PLEKHG4: variants seen among roughly 807,000 people sequenced by gnomAD.
PLEKHG4 encodes the protein puratrophin-1.
Under a neutral mutation model 136.9 loss-of-function variants are expected in PLEKHG4, and 85 were observed. That is an observed-to-expected ratio of 0.62 (90% CI 0.52 to 0.74). PLEKHG4 has a LOEUF of 0.74. PLEKHG4 is among the 30% of genes least tolerant of loss of function. The pLI is 0.00. For synonymous variants in PLEKHG4, 577 were observed against 646.9 expected, an observed-to-expected ratio of 0.89 and a Z score of 1.64; for missense variants, 1,317 against 1,527.8, an observed-to-expected ratio of 0.86 and a Z score of 2.30.
intron 11 of PLEKHG4, 114 bp downstream of exon 11, chr16:67,282,972 C>A: frequency 2.5e-6 from 2 of 786,216 alleles, no homozygotes; most frequent in Non-Finnish European, 4.4e-6. Context: ...CTTATAGTCC[C>A]ATAGAAGATA....
rs758143565 is a variant in PLEKHG4, at chr16:67,286,294, C to T, written c.2463C>T (p.Tyr821=). 17 of 1,613,456 alleles carry T rather than the reference C, an allele frequency of 1.1e-5. No homozygotes were observed. The Middle Eastern group carries it at 4.9e-4, about 47-fold the overall frequency. Reference sequence around the variant, plus strand: ...TGTAGAGGGTGCAGTTTGGGATGTACGCGCTCTACAGCAAGAATAAGCCTC... The same window carrying T: ...TGTAGAGGGTGCAGTTTGGGATGTATGCGCTCTACAGCAAGAATAAGCCTC... ...FLRHRVQFGM[Y]ALYSKNKPRS... Residue 821 remains tyrosine (Y), a synonymous_variant, in exon 15 of 22, where the codon TAC becomes TAT. Coordinates refer to ENST00000379344, the MANE Select transcript of PLEKHG4 (RefSeq NM_001129729.3).
rs781318048 is a variant in PLEKHG4 at position 67,281,756 on chromosome 16, C to A, written c.924C>A (p.Thr308=). The change falls in exon 7 of 22, where the codon ACC becomes ACA. Residue 308 remains threonine, a synonymous_variant. Transcript: ENST00000379344. ...AGTTGCCTTCTCAGAGCCTGCTGAC[C>A]CACATCCCAACGGCGGGGCTGCCCA... ...LEQLPSQSLL[T]HIPTAGLPTS... The A allele has an allele frequency of 6.8e-6, 11 of 1,613,958 alleles. No individual in the cohort carries two copies. In the Admixed American group the frequency reaches 1.2e-4, roughly 17 times the overall value.
chr16:67,282,315 G>A lies in PLEKHG4; in HGVS notation c.1219G>A (p.Glu407Lys). The A allele has an allele frequency of 4.3e-6, 7 of 1,613,000 alleles. No individual in the cohort carries two copies. The highest frequency in any genetic ancestry group is 5.9e-6 in the Non-Finnish European group (7 of 1,179,922). Residue 407 changes from glutamate (E) to lysine (K), a missense_variant, in exon 9 of 22, where the codon GAG becomes AAG. By Grantham distance (56) the Glu-to-Lys change is moderately conservative. Coordinates refer to ENST00000379344, the MANE Select transcript of PLEKHG4 (RefSeq NM_001129729.3). ...GGRELTWLKQEVPEVTLSPDY... is the reference protein window; with the variant it reads ...GGRELTWLKQKVPEVTLSPDY... The stretch of plus-strand genomic sequence containing the variant: ...CCGGGAGCTGACATGGCTGAAGCAA[G>A]AGGTCCCAGAGGTGACCCTGAGCCC...
rs778438224 is a variant in PLEKHG4 at position 67,280,855 on chromosome 16, C to T, written c.596-27C>T. On this transcript the variant is annotated intron_variant, in intron 3 of 21. Transcript: ENST00000379344. This position sits in a 1 kb window ranked among gnomAD's most constrained non-coding sequence, Gnocchi z 4.4. ...GTGGAGGTGGAGTGGCCCAATACGG[C>T]AGGAGTTCACTGCTTCCTCCCCACA... 6.2e-7 allele frequency: 1 copy of T among 1,613,326 alleles called. No individual in the cohort carries two copies. The highest frequency in any genetic ancestry group is 8.5e-7 in the Non-Finnish European group (1 of 1,180,026).
Position 67,285,156 on chromosome 16 carries a change from G to C in PLEKHG4, c.2136G>C (p.Leu712=). Residue 712 remains leucine, a synonymous_variant, in exon 13 of 22, where the codon CTG becomes CTC. Coordinates refer to ENST00000379344, the MANE Select transcript of PLEKHG4 (RefSeq NM_001129729.3). ...GACCAGAGGCTGGAGGAGGTGCCCT[G>C]CCCCAGGCATCCCCTACTGTGCCTC... ...CRRPEAGGGA[L]PQASPTVPPP... is the part of the protein sequence containing the mutation. 6.2e-7 allele frequency: 1 copy of C among 1,613,386 alleles called. No homozygotes were observed. Among genetic ancestry groups the C allele is most frequent in the Non-Finnish European group, 8.5e-7 (1 of 1,179,994 alleles).
intron 5 of PLEKHG4, among the ~76,000 whole-genome samples, 154 bp from the exon 6 acceptor site, chr16:67,281,413 G>A (rs1440127278): frequency 6.6e-6 from 1 of 151,932 alleles, no homozygotes; most frequent in African/African-American, 2.4e-5. Flanking sequence ...TTAGTAGAGA[G>A]GGGGTTTCAC....
chr16:67,286,535 C>A lies in PLEKHG4; in HGVS notation c.2623C>A (p.Gln875Lys). 6.3e-7 allele frequency: 1 copy of A among 1,577,710 alleles called. No homozygotes were observed. Among genetic ancestry groups the A allele is most frequent in the Non-Finnish European group, 8.6e-7 (1 of 1,160,338 alleles). Residue 875 changes from glutamine to lysine, a missense_variant, in exon 16 of 22, where the codon CAG (glutamine) becomes AAG (lysine). Gln to Lys is a moderately conservative substitution (Grantham distance 53). Transcript: ENST00000379344. ...QRMGKYALLL[Q>K]ELARACGGPT... ...CATGGGCAAGTACGCACTGCTGCTG[C>A]AGGAGCTGGCACGGGCCTGCGGGGG...
chr16:67,284,820 C>G lies in PLEKHG4; in HGVS notation c.1800C>G (p.Asp600Glu), dbSNP rs747511070. 1 of 1,613,444 alleles carries G rather than the reference C, an allele frequency of 6.2e-7. No individual in the cohort carries two copies. Among genetic ancestry groups the G allele is most frequent in the Non-Finnish European group, 8.5e-7 (1 of 1,179,862 alleles). Reference protein sequence around the residue: ...QLQLHWTRHPDLPPAHFRKMW... With the variant: ...QLQLHWTRHPELPPAHFRKMW... ...AGCTGCACTGGACCAGGCACCCTGA[C>G]TTGCCTCCTGCCCACTTCCGAAAGA... is the stretch of plus-strand genomic sequence containing the variant. Residue 600 changes from aspartate (D) to glutamate (E), a missense_variant, in exon 13 of 22, where the codon GAC (aspartate) becomes GAG (glutamate). Transcript: ENST00000379344. This position sits in a 1 kb window ranked among gnomAD's most constrained non-coding sequence, Gnocchi z 4.4.
At chr16:67,288,724 T>G in intron 21 of PLEKHG4, 79 bp from the exon 22 acceptor site, 1 of 1,600,854 alleles carries the variant, frequency 6.2e-7, no homozygotes. Context: ...TTGGGGTGGG[T>G]GGGCCAGAGC....
At chr16:67,287,587 C>A in intron 18 of PLEKHG4, 5 of 497,758 alleles carry the variant, frequency 1.0e-5, no homozygotes, top group Non-Finnish European at 1.8e-5. Context: ...TCATAGAGGT[C>A]TCATTATATT....
In PLEKHG4 at chr16:67,284,939, A is replaced by T; in HGVS notation, c.1919A>T (p.Asp640Val). The change falls in exon 13 of 22, where the codon GAC becomes GTC. Residue 640 changes from aspartate to valine, a missense_variant. Asp to Val is a radical substitution (Grantham distance 152). Coordinates refer to ENST00000379344, the MANE Select transcript of PLEKHG4 (RefSeq NM_001129729.3). The surrounding 1 kb of genome is among the most constrained non-coding windows in gnomAD (Gnocchi z 4.4). ...TGCCAGGACACCTGGCTGGCCCTGG[A>T]CCAAAAGCTTGAGGCTTCACTGAAG... ...ARCQDTWLAL[D>V]QKLEASLKLP... 1.9e-6 allele frequency: 3 copies of T among 1,612,966 alleles called. No homozygotes were observed. The highest frequency in any genetic ancestry group is 2.5e-6 in the Non-Finnish European group (3 of 1,179,914).
In PLEKHG4 at chr16:67,285,381, G is replaced by T; in HGVS notation, c.2287G>T (p.Asp763Tyr). 6.2e-7 allele frequency: 1 copy of T among 1,614,214 alleles called. No homozygotes were observed. The highest frequency in any genetic ancestry group is 8.5e-7 in the Non-Finnish European group (1 of 1,180,048). ...TATGGAGAACTATTTCCCCGAGCTG[G>T]ATCGCCCCGATGTGCCCCAGGGCCT... is the stretch of plus-strand genomic sequence containing the variant. ...YTMENYFPELDRPDVPQGLRG... is the reference protein window; with the variant it reads ...YTMENYFPELYRPDVPQGLRG... The change falls in exon 14 of 22, where the codon GAT becomes TAT. Residue 763 changes from aspartate (D) to tyrosine (Y), a missense_variant. Asp to Tyr is a radical substitution (Grantham distance 160). Coordinates refer to ENST00000379344, the MANE Select transcript of PLEKHG4 (RefSeq NM_001129729.3).
chr16:67,287,949 G>A lies in PLEKHG4; in HGVS notation c.3155G>A (p.Arg1052Gln), dbSNP rs559749110. 52 of 1,614,068 alleles carry A rather than the reference G, an allele frequency of 3.2e-5. No homozygotes were observed. The highest frequency in any genetic ancestry group is 2.0e-4 in the South Asian group (18 of 91,074). The change falls in exon 19 of 22, where the codon CGA becomes CAA. Residue 1052 changes from arginine (R) to glutamine (Q), a missense_variant. Arg to Gln is a conservative substitution (Grantham distance 43, BLOSUM62 1). Coordinates refer to ENST00000379344, the MANE Select transcript of PLEKHG4 (RefSeq NM_001129729.3). ...ATGGGTGTGGGGAACAAGGCCTTCC[G>A]AGACATTGCTCCCAGCGAGGAAGCC... The part of the protein sequence containing the change: ...VSMGVGNKAF[R>Q]DIAPSEEAIN...
chr16:67,280,535 T>C lies in PLEKHG4; in HGVS notation c.491T>C (p.Leu164Pro). The C allele has an allele frequency of 6.2e-7, 1 of 1,612,920 alleles. No homozygotes were observed. The part of the protein sequence containing the change: ...GDPLSEISKL[L>P]EAAPSGSGLP... Reference sequence around the variant, plus strand: ...CCTTTATCAGAAATATCAAAGCTGCTGGAGGCAGGTAAGGAAGGCTGGGCT... The same window carrying C: ...CCTTTATCAGAAATATCAAAGCTGCCGGAGGCAGGTAAGGAAGGCTGGGCT... The change falls in exon 2 of 22, where the codon CTG becomes CCG. Residue 164 changes from leucine to proline, a missense_variant. Transcript: ENST00000379344. This position sits in a 1 kb window ranked among gnomAD's most constrained non-coding sequence, Gnocchi z 4.4.
rs773289644 is a variant in PLEKHG4, at chr16:67,281,770, C to T, written c.938C>T (p.Ala313Val). ...SQSLLTHIPTAGLPTSLGGGL... is the reference protein window; with the variant it reads ...SQSLLTHIPTVGLPTSLGGGL... ...AGCCTGCTGACCCACATCCCAACGG[C>T]GGGGCTGCCCACTTCGCTAGGAGGA... The change falls in exon 7 of 22, where the codon GCG becomes GTG. Residue 313 changes from alanine (A) to valine (V), a missense_variant. Coordinates refer to ENST00000379344, the MANE Select transcript of PLEKHG4 (RefSeq NM_001129729.3). The T allele has an allele frequency of 3.7e-6, 6 of 1,613,850 alleles. No individual in the cohort carries two copies. The highest frequency in any genetic ancestry group is 5.1e-6 in the Non-Finnish European group (6 of 1,180,040).
chr16:67,288,758 C>G (rs1033030079), intron 21 of PLEKHG4, 45 bp from the exon 22 acceptor site: 4 of 1,612,638 alleles, frequency 2.5e-6, no homozygotes, highest in Non-Finnish European at 3.4e-6. Context: ...CCTCCTGGGT[C>G]CAGAGTCAGG....
Position 67,287,003 on chromosome 16 carries a change from G to C in PLEKHG4, c.2929G>C (p.Ala977Pro). ...TFAYKRSFKM[A>P]DLGLTECCGN... Reference sequence around the variant, plus strand: ...CCCTCTCTCCCGCTGGCCACAGATGGCAGACCTTGGTCTCACTGAGTGCTG... The same window carrying C: ...CCCTCTCTCCCGCTGGCCACAGATGCCAGACCTTGGTCTCACTGAGTGCTG... The change falls in exon 18 of 22, where the codon GCA becomes CCA. Residue 977 changes from alanine (A) to proline (P), a missense_variant. Physicochemically the swap from Ala to Pro is conservative, Grantham distance 27. Coordinates refer to ENST00000379344, the MANE Select transcript of PLEKHG4 (RefSeq NM_001129729.3). 6.2e-7 allele frequency: 1 copy of C among 1,613,150 alleles called. No individual in the cohort carries two copies. Among genetic ancestry groups the C allele is most frequent in the Non-Finnish European group, 8.5e-7 (1 of 1,179,996 alleles).
At position 67,282,354 on chromosome 16, in the gene PLEKHG4, G is replaced by A. The variant is rs1372084510; in HGVS notation, c.1253+5G>A. ...GACCCTGAGCCCAGACTACAGGTGA[G>A]TGCAAGCCCGGCCCCCAGATCTTGC... On this transcript the variant is annotated splice_donor_5th_base_variant and intron_variant, in intron 9 of 21. Transcript: ENST00000379344. The A allele has an allele frequency of 1.2e-6, 2 of 1,611,700 alleles. No individual in the cohort carries two copies. The highest frequency in any genetic ancestry group is 1.7e-6 in the Non-Finnish European group (2 of 1,179,364).
intron 10 of PLEKHG4, 32 bp from the exon 11 acceptor site, chr16:67,282,710 C>G (rs1419066399): frequency 6.2e-7 from 1 of 1,613,224 alleles, no homozygotes; most frequent in Non-Finnish European, 8.5e-7. Context: ...CATAGCAGCT[C>G]TCTTCACTTT....
Sources: allele counts gnomAD v4.1 joint callset (sites outside exome capture counted in the v4.1 genomes callset), GRCh38; gene constraint gnomAD v4.1.1; non-coding constraint Gnocchi (gnomAD v3.1); transcripts MANE v1.5; gene names NCBI Gene and HGNC (gene_info 2026-07-23, HGNC 2026-07-21).